Variants in DUSP6 observed in about 807,000 individuals in gnomAD.
DUSP6 encodes dual specificity phosphatase 6, also known as dual specificity protein phosphatase 6.
Under a neutral mutation model 28.0 loss-of-function variants are expected in DUSP6, and 6 were observed. The observed-to-expected ratio is 0.21, with a 90% confidence interval of 0.12 to 0.42. The LOEUF is 0.42. Ranked by LOEUF, DUSP6 falls within the 10% of genes least tolerant of loss-of-function variation. DUSP6 has a pLI of 1.00. For synonymous variants in DUSP6, 252 were observed against 217.5 expected, an observed-to-expected ratio of 1.16 and a Z score of -1.40; for missense variants, 451 against 498.1, an observed-to-expected ratio of 0.91 and a Z score of 0.90.
intron 1 of DUSP6, chr12:89,351,302 C>G (rs1565875216): frequency 5.1e-6 from 3 of 582,566 alleles, no homozygotes; most frequent in African/African-American, 3.7e-5. Flanking sequence ...CAATTTGCAT[C>G]CCCAACAATC....
rs772620260 is a variant in DUSP6 at position 89,350,920 on chromosome 12, C to A, written c.506G>T (p.Gly169Val). The change falls in exon 2 of 3, where the codon GGC becomes GTC. Residue 169 changes from glycine (G) to valine (V), a missense_variant. Physicochemically the swap from Gly to Val is moderately radical, Grantham distance 109. Around this residue, in one of 2 missense-constraint regions of DUSP6, gnomAD observed 347 missense variants for 346.6 expected, o/e 1.00. Transcript: ENST00000279488. The stretch of plus-strand genomic sequence containing the variant: ...GGAAGAGTCAGAGCTGATCCGCAGG[C>A]CCCCGAGCCCCAGCACTGGCAACGG... The part of the protein sequence containing the change: ...SPPLPVLGLG[G>V]LRISSDSSSD... 6 of 1,613,794 alleles carry A rather than the reference C, an allele frequency of 3.7e-6. No individual in the cohort carries two copies. The African/African-American group carries it at 5.3e-5, about 14-fold the overall frequency.
Position 89,347,663 on chromosome 12 carries a change from G to A in DUSP6, c.*1591C>T, listed in dbSNP as rs1278968957. The A allele has an allele frequency of 6.6e-6, 1 of 152,198 alleles. No individual in the cohort carries two copies. The highest frequency in any genetic ancestry group is 1.9e-4 in the East Asian group (1 of 5,202). The allele number at this position is 152,198 out of a possible 1,614,324, so 9.4% of individuals were successfully genotyped here. On this transcript the variant is annotated 3_prime_UTR_variant, in exon 3 of 3. Transcript: ENST00000279488. ...TTTGGCATTATCTCAGCATTATAAAGCAGAAGATCCTGACAGTGAAGGATA... is the reference window on the plus strand; with the variant it reads ...TTTGGCATTATCTCAGCATTATAAAACAGAAGATCCTGACAGTGAAGGATA...
chr12:89,350,565 C>A, intron 2 of DUSP6, 23 bp downstream of exon 2: 2 of 1,595,500 alleles, frequency 1.3e-6, no homozygotes, highest in Non-Finnish European at 1.7e-6. Context: ...AATGTCAGAG[C>A]GACGACTATT....
At position 89,349,103 on chromosome 12, in the gene DUSP6, C is replaced by G. The variant is rs2120493307; in HGVS notation, c.*151G>C. On this transcript the variant is annotated 3_prime_UTR_variant, in exon 3 of 3. Coordinates refer to ENST00000279488, the MANE Select transcript of DUSP6 (RefSeq NM_001946.4). ...AGCAAATCTCTCTGTTAGTATTAAC[C>G]AATTCCGCACTTGGTAACCTTGTCT... The G allele has an allele frequency of 1.3e-6, 1 of 782,076 alleles. No homozygotes were observed. Among genetic ancestry groups the G allele is most frequent in the Admixed American group, 2.8e-5 (1 of 35,522 alleles). The allele number at this position is 782,076 out of a possible 1,614,324, so 48.4% of individuals were successfully genotyped here.
chr12:89,351,526 G>C lies in DUSP6; in HGVS notation c.400+114C>G, dbSNP rs1397525347. 3 of 1,424,488 alleles carry C rather than the reference G, an allele frequency of 2.1e-6. No individual in the cohort carries two copies. In the Admixed American group the frequency reaches 8.6e-5, roughly 41 times the overall value. The allele number at this position is 1,424,488 out of a possible 1,614,324, so 88.2% of individuals were successfully genotyped here. A position where few individuals can be genotyped will look rare whatever the true frequency, so the allele number is the denominator to read the frequency against. ...CCGGCTGCCGGTCCCTAGGCGGGCAGCGCGGCTCCGAAGCTCCAGCTGAGC... is the reference window on the plus strand; with the variant it reads ...CCGGCTGCCGGTCCCTAGGCGGGCACCGCGGCTCCGAAGCTCCAGCTGAGC... On this transcript the variant is annotated intron_variant, in intron 1 of 2. Transcript: ENST00000279488.
intron 2 of DUSP6, 135 bp downstream of exon 2, chr12:89,350,453 G>A (rs779598214): frequency 2.0e-5 from 17 of 866,682 alleles, no homozygotes; most frequent in Non-Finnish European, 2.8e-5. Context: ...CCAGAATTAA[G>A]GACGCTCTAG....
Position 89,349,373 on chromosome 12 carries a change from A to C in DUSP6, c.1027T>G (p.Phe343Val). 6.2e-7 allele frequency: 1 copy of C among 1,614,204 alleles called. No individual in the cohort carries two copies. Among genetic ancestry groups the C allele is most frequent in the Non-Finnish European group, 8.5e-7 (1 of 1,180,024 alleles). Residue 343 changes from phenylalanine to valine, a missense_variant, in exon 3 of 3, where the codon TTC (phenylalanine) becomes GTC (valine). Physicochemically the swap from Phe to Val is conservative, Grantham distance 50 (BLOSUM62 -1). Transcript: ENST00000279488. ...NFNFMGQLLD[F>V]ERTLGLSSPC... is the part of the protein sequence containing the mutation. The stretch of plus-strand genomic sequence containing the variant: ...CTGCTGAGTCCCAGCGTCCTCTCGA[A>C]GTCCAGCAGCTGACCCATGAAGTTG...
intron 2 of DUSP6, 75 bp from the exon 3 acceptor site, chr12:89,349,636 G>T: frequency 8.5e-7 from 1 of 1,170,530 alleles, no homozygotes; most frequent in Non-Finnish European, 1.2e-6. Context: ...TCTAAAAACT[G>T]AACTTGAAAA....
intron 2 of DUSP6, 38 bp downstream of exon 2, chr12:89,350,550 A>G (rs1565874699): frequency 1.3e-6 from 2 of 1,578,382 alleles, no homozygotes; most frequent in South Asian, 1.1e-5. Flanking sequence ...GGAATTTTGC[A>G]TTTAAATGTC....
chr12:89,351,769 C>T lies in DUSP6; in HGVS notation c.271G>A (p.Gly91Ser), dbSNP rs1879203055. ...EDRDRFTRRC[G>S]TDTVVLYDES... ...TCGTAGAGCACCACTGTGTCGGTGC[C>T]ACAGCGCCGGGTGAAGCGGTCCCGG... The change falls in exon 1 of 3, where the codon GGC becomes AGC. Residue 91 changes from glycine (G) to serine (S), a missense_variant. Coordinates refer to ENST00000279488, the MANE Select transcript of DUSP6 (RefSeq NM_001946.4). 1 of 1,609,118 alleles carries T rather than the reference C, an allele frequency of 6.2e-7. No homozygotes were observed. The highest frequency in any genetic ancestry group is 8.5e-7 in the Non-Finnish European group (1 of 1,178,488).
chr12:89,351,052 T>G (rs1879167257), intron 1 of DUSP6, 27 bp from the exon 2 acceptor site: 1 of 1,547,698 alleles, frequency 6.5e-7, no homozygotes, highest in South Asian at 1.2e-5. Context: ...AGCAATCATC[T>G]AACCTGAGAA....
rs1879029407 is a variant in DUSP6, at chr12:89,347,772, GCTAT to G, written c.*1478_*1481del. 1 of 152,162 alleles carries G rather than the reference GCTAT, an allele frequency of 6.6e-6. No homozygotes were observed. The highest frequency in any genetic ancestry group is 2.4e-5 in the African/African-American group (1 of 41,438). The allele number at this position is 152,162 out of a possible 1,614,324, so 9.4% of individuals were successfully genotyped here. On this transcript the variant is annotated 3_prime_UTR_variant, in exon 3 of 3. Coordinates refer to ENST00000279488, the MANE Select transcript of DUSP6 (RefSeq NM_001946.4). The stretch of plus-strand genomic sequence containing the variant: ...ATATCCAAATTGTATTCCTCAGCAA[GCTAT>G]GCTCTATAGGTTCATTTTTCTTCAG...
chr12:89,352,054 G>A lies in DUSP6; in HGVS notation c.-15C>T, dbSNP rs199734366. 7.7e-5 allele frequency: 123 copies of A among 1,602,360 alleles called. No homozygotes were observed. The highest frequency in any genetic ancestry group is 1.0e-4 in the Non-Finnish European group (117 of 1,172,036). ...GTATCTATCATGGGGGTCGAGCTGC[G>A]GGAGAGGGCGGGGTGCCTACCAGAC... On this transcript the variant is annotated 5_prime_UTR_variant, in exon 1 of 3. Transcript: ENST00000279488.
At chr12:89,351,530 G>A (rs1879187578) in intron 1 of DUSP6, 110 bp downstream of exon 1, 2 of 1,426,838 alleles carry the variant, frequency 1.4e-6, no homozygotes, top group Non-Finnish European at 1.8e-6. Context: ...CGGGCAGCGC[G>A]GCTCCGAAGC....
intron 1 of DUSP6, 23 bp downstream of exon 1, chr12:89,351,617 C>T: frequency 6.3e-7 from 1 of 1,577,258 alleles, no homozygotes; most frequent in Non-Finnish European, 8.6e-7. Flanking sequence ...CTGCCCCGCG[C>T]GCGGAGTTCC....
At position 89,348,031 on chromosome 12, in the gene DUSP6, A is replaced by T. The variant is rs1879037962; in HGVS notation, c.*1223T>A. 1 of 151,882 alleles carries T rather than the reference A, an allele frequency of 6.6e-6. No homozygotes were observed. Among genetic ancestry groups the T allele is most frequent in the African/African-American group, 2.4e-5 (1 of 41,382 alleles). 9.4% of individuals were successfully genotyped at this position (151,882 alleles called of 1,614,324 possible). On this transcript the variant is annotated 3_prime_UTR_variant, in exon 3 of 3. Coordinates refer to ENST00000279488, the MANE Select transcript of DUSP6 (RefSeq NM_001946.4). ...TTCTAAAATGTGTCACTTCACACAT[A>T]GGTATAACTGAGTTTTTAAAAACAC...
chr12:89,351,145 G>T, intron 1 of DUSP6, 120 bp from the exon 2 acceptor site: 1 of 1,069,332 alleles, frequency 9.4e-7, no homozygotes. Flanking sequence ...CCTACATACA[G>T]AACCATCTAT....
chr12:89,351,180 AC>A, intron 1 of DUSP6, 155 bp from the exon 2 acceptor site: 1 of 868,528 alleles, frequency 1.2e-6, no homozygotes, highest in Non-Finnish European at 1.7e-6. Flanking sequence ...TTAAATGTGC[AC>A]CATCGGGAAT....
intron 1 of DUSP6, chr12:89,351,332 T>G (rs1189353946): frequency 1.7e-6 from 1 of 575,284 alleles, no homozygotes; most frequent in African/African-American, 1.9e-5. Flanking sequence ...CTGCAAATCT[T>G]AATTCAAAAT....
Sources: gnomAD v4.1 joint callset for allele counts on GRCh38, gnomAD v4.1.1 for gene constraint, gnomAD v4.1.1 regional missense constraint, MANE v1.5 for transcripts, NCBI Gene and HGNC (gene_info 2026-07-23, HGNC 2026-07-21) for gene names.